Variants in CDH23 observed in about 807,000 individuals in gnomAD.
The protein encoded by CDH23 is cadherin-23.
CDH23 carries 189 observed loss-of-function variants against 317.1 expected under a neutral mutation model. The observed-to-expected ratio is 0.60, with a 90% CI of 0.53 to 0.67. The LOEUF is 0.67. CDH23 is among the 30% of genes least tolerant of loss of function. The pLI is 0.00. For synonymous variants in CDH23, 1,839 were observed against 1,876.8 expected, an observed-to-expected ratio of 0.98 and a Z score of 0.52; for missense variants, 4,401 against 4,592.4, an observed-to-expected ratio of 0.96 and a Z score of 1.20.
In CDH23 at chr10:71,410,353, GGGTGCA is replaced by G. The variant is rs1199098829; in HGVS notation, c.-6+13037_-6+13042del. On this transcript the variant is annotated intron_variant, in intron 1 of 69. Coordinates refer to ENST00000224721, the MANE Select transcript of CDH23 (RefSeq NM_022124.6). ...CTATGAGAAAGGCTGTAGGTTGAGG[GGGTGCA>G]GTCCTGGAAGATTTCCAGGACTGGG... Among the ~76,000 whole-genome samples, 215 of 152,260 alleles carry G rather than the reference GGGTGCA, an allele frequency of 1.4e-3. 1 individual carries two copies. The highest frequency in any genetic ancestry group is 4.9e-3 in the African/African-American group (205 of 41,550).
At chr10:71,678,778 A>G (rs935930267) in intron 16 of CDH23, among the ~76,000 whole-genome samples, 4 of 152,080 alleles carry the variant, frequency 2.6e-5, no homozygotes, top group African/African-American at 9.7e-5. Flanking sequence ...CCCTGGCCCC[A>G]CTCCAGGTGC....
chr10:71,799,668 A>G, intron 52 of CDH23, 39 bp downstream of exon 52: 1 of 1,613,836 alleles, frequency 6.2e-7, no homozygotes, highest in Non-Finnish European at 8.5e-7. Flanking sequence ...GGAAGTGGGA[A>G]GGACCCAGGG....
At chr10:71,672,238 C>T (rs113330933) in intron 14 of CDH23, among the ~76,000 whole-genome samples, 4 of 152,202 alleles carry the variant, frequency 2.6e-5, no homozygotes, top group Non-Finnish European at 4.4e-5. Context: ...GGGAGCTACA[C>T]GTGGTCCAGT....
At chr10:71,656,905 G>A (rs1453302454) in intron 14 of CDH23, among the ~76,000 whole-genome samples, 1 of 152,176 alleles carries the variant, frequency 6.6e-6, no homozygotes, top group East Asian at 1.9e-4. Context: ...CTCCTCAGTG[G>A]AGAATAGGCG....
At chr10:71,632,801 GTC>G (rs1862077006) in intron 11 of CDH23, among the ~76,000 whole-genome samples, 1 of 152,070 alleles carries the variant, frequency 6.6e-6, no homozygotes, top group African/African-American at 2.4e-5. Context: ...CTCTCTCCCT[GTC>G]TCTCTGTCTC....
At chr10:71,813,976 A>G (rs916347971) in intron 69 of CDH23, among the ~76,000 whole-genome samples, 5 of 152,196 alleles carry the variant, frequency 3.3e-5, no homozygotes, top group Admixed American at 6.5e-5. Flanking sequence ...TGTAATGATT[A>G]TGTCAACACT....
intron 6 of CDH23, among the ~76,000 whole-genome samples, chr10:71,543,101 T>C (rs912142106): frequency 1.3e-5 from 2 of 152,296 alleles, no homozygotes; most frequent in African/African-American, 4.8e-5. Context: ...ATGCACAGAC[T>C]TATGAGACGC....
rs1186596942 is a variant in CDH23, at chr10:71,506,572, C to A, written c.146-3510C>A. Among the ~76,000 whole-genome samples, 4 of 152,142 alleles carry A rather than the reference C, an allele frequency of 2.6e-5. No individual in the cohort carries two copies. In the East Asian group the frequency reaches 7.8e-4, roughly 30 times the overall value. On this transcript the variant is annotated intron_variant, in intron 3 of 69. Transcript: ENST00000224721. Reference sequence around the variant, plus strand: ...AAGAACACTGGGCTGGAGCTGAACCCCAGAGACTGGCCTCACTCCTGTAGG... The same window carrying A: ...AAGAACACTGGGCTGGAGCTGAACCACAGAGACTGGCCTCACTCCTGTAGG...
chr10:71,761,834 A>C (rs1840396503), intron 38 of CDH23: 7 of 1,613,856 alleles, frequency 4.3e-6, no homozygotes, highest in Non-Finnish European at 5.9e-6. Context: ...CTGGAACGTG[A>C]GGTTGCGGAT....
chr10:71,679,321 GCC>G, intron 16 of CDH23, 64 bp from the exon 17 acceptor site: 2 of 763,708 alleles, frequency 2.6e-6, no homozygotes, highest in Non-Finnish European at 4.5e-6. Flanking sequence ...CCTCCCAGCT[GCC>G]CACCCTCTTC....
At chr10:71,702,235 C>A (rs376294299) in intron 23 of CDH23, 24 bp downstream of exon 23, 3 of 1,606,942 alleles carry the variant, frequency 1.9e-6, no homozygotes, top group Non-Finnish European at 2.6e-6. Context: ...TCGCCCCTCA[C>A]GGCCCCCACA....
intron 9 of CDH23, among the ~76,000 whole-genome samples, chr10:71,586,582 C>T (rs1859079418): frequency 6.6e-6 from 1 of 152,116 alleles, no homozygotes; most frequent in Admixed American, 6.5e-5. Flanking sequence ...TCGCCTTACC[C>T]ACACCTTATT....
chr10:71,790,870 C>A (rs2132948979), intron 46 of CDH23: 2 of 555,324 alleles, frequency 3.6e-6, no homozygotes, highest in Non-Finnish European at 6.5e-6. Flanking sequence ...TGCCCTGGGT[C>A]ACTCTTCCCA....
chr10:71,812,651 A>G (rs766767104), intron 67 of CDH23, 42 bp downstream of exon 67: 1 of 1,613,456 alleles, frequency 6.2e-7, no homozygotes, highest in South Asian at 1.1e-5. Context: ...GCAGGGGTGG[A>G]GGGGCTGGGT....
At chr10:71,415,818 G>C (rs1848509997) in intron 1 of CDH23, among the ~76,000 whole-genome samples, 1 of 152,064 alleles carries the variant, frequency 6.6e-6, no homozygotes, top group South Asian at 2.1e-4. Flanking sequence ...ACTTTTTACA[G>C]TTGTTTTTAA....
At chr10:71,758,755 T>C (rs1276362975) in intron 38 of CDH23, among the ~76,000 whole-genome samples, 1 of 152,158 alleles carries the variant, frequency 6.6e-6, no homozygotes, top group African/African-American at 2.4e-5. Flanking sequence ...AGGCTAGGCA[T>C]GGTGGCTCAC....
chr10:71,600,134 C>A (rs1860123939), intron 9 of CDH23, among the ~76,000 whole-genome samples: 1 of 151,626 alleles, frequency 6.6e-6, no homozygotes. Flanking sequence ...TCCCGAGCAG[C>A]TAAAATTACA....
At chr10:71,774,211 G>T (rs1231451815) in intron 38 of CDH23, among the ~76,000 whole-genome samples, 1 of 149,584 alleles carries the variant, frequency 6.7e-6, no homozygotes, top group Non-Finnish European at 1.5e-5. Context: ...TCCGGCAGAG[G>T]CCTCAGCTGT....
At chr10:71,488,124 T>C (rs115478258) in intron 3 of CDH23, among the ~76,000 whole-genome samples, 1,618 of 152,322 alleles carry the variant, frequency 0.011, 21 homozygotes, top group African/African-American at 0.031. Context: ...TAGTCAGGCC[T>C]GCAGGAGAGT....
Sources: allele counts gnomAD v4.1 joint callset (sites outside exome capture counted in the v4.1 genomes callset), GRCh38; gene constraint gnomAD v4.1.1; transcripts MANE v1.5; gene names NCBI Gene and HGNC (gene_info 2026-07-23, HGNC 2026-07-21).